ABCA10: variants seen among roughly 807,000 people sequenced by gnomAD.
ABCA10 encodes ATP binding cassette subfamily A member 10, also known as ATP-binding cassette sub-family A member 10.
A neutral mutation model predicts 187.5 loss-of-function variants in ABCA10; 169 were observed. The ratio of observed to expected loss-of-function variants is 0.90; its 90% CI spans 0.80 to 1.02. The LOEUF (loss-of-function observed/expected upper bound fraction) is 1.02. ABCA10 is among the 50% of genes least tolerant of loss of function. The pLI is 0.00. For missense variants in ABCA10, 1,727 were observed against 1,812.4 expected (o/e 0.95, Z 0.86); for synonymous variants, 574 against 601.8 (o/e 0.95, Z 0.68).
chr17:69,235,348 T>C (rs1340613464), intron 1 of ABCA10, among the ~76,000 whole-genome samples: 2 of 152,248 alleles, frequency 1.3e-5, no homozygotes, highest in African/African-American at 4.8e-5. Context: ...CTAAGAACCA[T>C]TCCTGTCCTT....
chr17:69,198,090 T>A (rs2074518968), intron 10 of ABCA10, among the ~76,000 whole-genome samples: 1 of 152,090 alleles, frequency 6.6e-6, no homozygotes, highest in East Asian at 1.9e-4. Flanking sequence ...TCCTTAACTC[T>A]CTCTCTCTCC....
At position 69,153,782 on chromosome 17, in the gene ABCA10, C is replaced by T. The variant is rs1403735155; in HGVS notation, c.3965+49G>A. On this transcript the variant is annotated intron_variant, in intron 32 of 38. Transcript: ENST00000690296. Reference sequence around the variant, plus strand: ...CTTTTAATATATAATGAAGAAATGACATATTTTCCCCTTCCTCCTGCTACA... The same window carrying T: ...CTTTTAATATATAATGAAGAAATGATATATTTTCCCCTTCCTCCTGCTACA... 3 of 1,551,868 alleles carry T rather than the reference C, an allele frequency of 1.9e-6. No homozygotes were observed. In the African/African-American group the frequency reaches 4.1e-5, roughly 21 times the overall value.
chr17:69,192,617 C>T lies in ABCA10; in HGVS notation c.1817G>A (p.Cys606Tyr), dbSNP rs1179438451. The change falls in exon 16 of 39, where the codon TGT becomes TAT. Residue 606 changes from cysteine to tyrosine, a missense_variant. Transcript: ENST00000690296. The stretch of plus-strand genomic sequence containing the variant: ...CTTCAGAAACAAAGATGATCCTGCA[C>T]ATTTCAACTTCCCATTAGACAGAAA... ...KVFLSNGKLKCAGSSLFLKRK... is the reference protein window; with the variant it reads ...KVFLSNGKLKYAGSSLFLKRK... 4 of 1,613,698 alleles carry T rather than the reference C, an allele frequency of 2.5e-6. No homozygotes were observed. The highest frequency in any genetic ancestry group is 3.4e-6 in the Non-Finnish European group (4 of 1,179,912).
intron 18 of ABCA10, among the ~76,000 whole-genome samples, chr17:69,189,966 C>T (rs2074447815): frequency 6.6e-6 from 1 of 152,108 alleles, no homozygotes; most frequent in Non-Finnish European, 1.5e-5. Context: ...CTTATTAATA[C>T]ATTAATTAGA....
intron 27 of ABCA10, among the ~76,000 whole-genome samples, chr17:69,161,486 A>G (rs965984201): frequency 6.6e-5 from 10 of 152,242 alleles, no homozygotes; most frequent in Non-Finnish European, 1.3e-4. Context: ...GTCACTGACT[A>G]GAAACAAATA....
At chr17:69,175,640 C>G in intron 22 of ABCA10, 127 bp from the exon 23 acceptor site, 2 of 688,566 alleles carry the variant, frequency 2.9e-6, no homozygotes, top group Non-Finnish European at 4.6e-6. Flanking sequence ...AGCAAAGAGA[C>G]AAGCAAACAT....
chr17:69,233,309 CTAA>C (rs1260208290), upstream of ABCA10: 1 of 151,784 alleles, frequency 6.6e-6, no homozygotes, highest in Non-Finnish European at 1.5e-5. Context: ...TTTGAGTTCC[CTAA>C]TGTTTTTATT....
chr17:69,164,109 C>A lies in ABCA10; in HGVS notation c.3328G>T (p.Glu1110Ter). The A allele has an allele frequency of 2.5e-6, 4 of 1,590,186 alleles. No individual in the cohort carries two copies. Among genetic ancestry groups the A allele is most frequent in the Non-Finnish European group, 3.4e-6 (4 of 1,171,892 alleles). Reference sequence around the variant, plus strand: ...GTTAAAAGAATGGTTTTATTGACTTCATTTATTCTATTGTCCAGACTGTCC... The same window carrying A: ...GTTAAAAGAATGGTTTTATTGACTTAATTTATTCTATTGTCCAGACTGTCC... Reference protein sequence around the residue: ...NLDSLDNRINEVNKTILLTTL... With the variant: ...NLDSLDNRIN Residue 1110 changes from glutamate to a stop codon, truncating the protein, a stop_gained, in exon 27 of 39, where the codon GAA (glutamate) becomes TAA (stop). Transcript: ENST00000690296. LOFTEE classifies it high-confidence loss of function.
chr17:69,158,045 A>G (rs2074187456), intron 27 of ABCA10, among the ~76,000 whole-genome samples: 1 of 152,016 alleles, frequency 6.6e-6, no homozygotes, highest in Non-Finnish European at 1.5e-5. Context: ...TTCTTGATAA[A>G]TACTAGAAAC....
chr17:69,162,502 T>A (rs2074224515), intron 27 of ABCA10, among the ~76,000 whole-genome samples: 2 of 152,182 alleles, frequency 1.3e-5, no homozygotes. Flanking sequence ...TCCTTCTCCA[T>A]CATGGCAATG....
Position 69,185,568 on chromosome 17 carries a change from A to G in ABCA10, c.2406T>C (p.His802=), listed in dbSNP as rs749121461. The G allele has an allele frequency of 6.2e-7, 1 of 1,612,704 alleles. No homozygotes were observed. Among genetic ancestry groups the G allele is most frequent in the African/African-American group, 1.3e-5 (1 of 75,014 alleles). The change falls in exon 20 of 39, where the codon CAT becomes CAC. Residue 802 remains histidine, a synonymous_variant. Transcript: ENST00000690296. ...KIMYKVTRET[H]CWEFSPSMYF... ...ACATACTGGGTGAAAACTCCCAACA[A>G]TGAGTTTCACGAGTTACTTTATACA...
Position 69,214,755 on chromosome 17 carries a change from C to T in ABCA10, c.955G>A (p.Asp319Asn). ...GTGAATATCAAATAGAAAAGAGTAT[C>T]AAATGCCAAAATGAAAAAAGTGGCT... ...MIATFFILAFDTLFYLIFTLY... is the reference protein window; with the variant it reads ...MIATFFILAFNTLFYLIFTLY... The change falls in exon 9 of 39, where the codon GAT becomes AAT. Residue 319 changes from aspartate (D) to asparagine (N), a missense_variant. Asp to Asn is a conservative substitution (Grantham distance 23). Transcript: ENST00000690296. The T allele has an allele frequency of 6.6e-7, 1 of 1,517,760 alleles. No individual in the cohort carries two copies. Among genetic ancestry groups the T allele is most frequent in the Non-Finnish European group, 8.8e-7 (1 of 1,141,224 alleles). 94.0% of individuals were successfully genotyped at this position (1,517,760 alleles called of 1,614,324 possible). A position where few individuals can be genotyped will look rare whatever the true frequency, so the allele number is the denominator to read the frequency against.
intron 27 of ABCA10, among the ~76,000 whole-genome samples, chr17:69,161,558 G>A (rs904299056): frequency 2.0e-5 from 3 of 152,146 alleles, no homozygotes; most frequent in African/African-American, 7.2e-5. Flanking sequence ...AGGCCTGGCC[G>A]TTAAAACAAG....
chr17:69,221,942 A>G, intron 4 of ABCA10, 47 bp from the exon 5 acceptor site: 1 of 1,394,424 alleles, frequency 7.2e-7, no homozygotes, highest in South Asian at 1.3e-5. Flanking sequence ...AATGGAGTCA[A>G]CTCCTGGAAT....
chr17:69,230,667 A>C (rs1159210347), upstream of ABCA10, among the ~76,000 whole-genome samples: 1 of 152,068 alleles, frequency 6.6e-6, no homozygotes, highest in African/African-American at 2.4e-5. Context: ...TTCAGCAGGT[A>C]AATGTACTAT....
At chr17:69,193,648 ATTTTAC>A in intron 13 of ABCA10, 36 bp from the exon 14 acceptor site, 2 of 1,567,366 alleles carry the variant, frequency 1.3e-6, no homozygotes, top group Non-Finnish European at 1.7e-6. Context: ...AATATCAAAT[ATTTTAC>A]TTTAAGGAGT....
chr17:69,156,144 A>G (rs565345124), intron 28 of ABCA10, among the ~76,000 whole-genome samples: 1 of 152,292 alleles, frequency 6.6e-6, no homozygotes, highest in East Asian at 1.9e-4. Flanking sequence ...ATTGTATCCT[A>G]TCTGTCAACT....
At chr17:69,198,435 T>C (rs917599624) in intron 10 of ABCA10, among the ~76,000 whole-genome samples, 3 of 152,228 alleles carry the variant, frequency 2.0e-5, no homozygotes, top group Admixed American at 6.5e-5. Flanking sequence ...AAGGTCATTA[T>C]TCTCGGGTCA....
At chr17:69,162,838 C>CATATACATATACATATACATATACATAT (rs375141032) in intron 27 of ABCA10, among the ~76,000 whole-genome samples, 3,166 of 120,534 alleles carry the variant, frequency 0.026, 103 homozygotes, top group Admixed American at 0.076. Context: ...TATACATATA[C>CATATACATATACATATACATATACATAT]ATATATATAT....
Sources: gnomAD v4.1 joint callset for allele counts (sites outside exome capture counted in the v4.1 genomes callset) on GRCh38, gnomAD v4.1.1 for gene constraint, MANE v1.5 for transcripts, NCBI Gene and HGNC (gene_info 2026-07-23, HGNC 2026-07-21) for gene names.